FAAH2: variants seen among roughly 807,000 people sequenced by gnomAD.
FAAH2 encodes the protein fatty acid amide hydrolase 2.
A neutral mutation model predicts 36.9 loss-of-function variants in FAAH2; 60 were observed. That is an observed-to-expected ratio of 1.63 (90% CI 1.32 to 2.02). The LOEUF is 2.02. FAAH2 is among the 30% of genes most tolerant of loss of function. The probability of loss-of-function intolerance (pLI) is 0.00; values close to 1 mark genes in which losing one functional copy is unlikely to be tolerated. For missense variants in FAAH2, 689 were observed against 397.5 expected (o/e 1.73, Z -6.23); for synonymous variants, 214 against 143.8 (o/e 1.49, Z -3.49).
the FAAH2 span, among the ~76,000 whole-genome samples, chrX:57,270,976 C>T: frequency 8.9e-6 from 1 of 112,013 alleles, no homozygotes; most frequent in Non-Finnish European, 1.9e-5. Context: ...GCCAATGAGA[C>T]AGAACCGTTC....
the FAAH2 span, among the ~76,000 whole-genome samples, chrX:57,221,327 G>T: frequency 1.8e-5 from 2 of 110,965 alleles, no homozygotes; most frequent in Non-Finnish European, 3.8e-5. Flanking sequence ...ACCTTAAAAC[G>T]TGCAACTTTT....
intron 10 of FAAH2, among the ~76,000 whole-genome samples, chrX:57,470,625 A>T (rs968284036): frequency 9.0e-6 from 1 of 111,190 alleles, no homozygotes; most frequent in Non-Finnish European, 1.9e-5. Context: ...AACCAAAAGA[A>T]GTCCAGGAGC....
At chrX:57,335,377 AG>A (rs1222462434) in intron 4 of FAAH2, among the ~76,000 whole-genome samples, 1 of 112,399 alleles carries the variant, frequency 8.9e-6, no homozygotes, top group African/African-American at 3.2e-5. Context: ...GCAGGACAAT[AG>A]GATAATAGTG....
chrX:57,415,448 G>T (rs1487580332), intron 7 of FAAH2, among the ~76,000 whole-genome samples: 1 of 111,639 alleles, frequency 9.0e-6, no homozygotes, highest in Non-Finnish European at 1.9e-5. Context: ...TGGCTTCAAA[G>T]AACTTCTTTA....
At chrX:57,316,409 C>T (rs1449638204) in intron 3 of FAAH2, among the ~76,000 whole-genome samples, 1 of 111,780 alleles carries the variant, frequency 8.9e-6, no homozygotes, top group African/African-American at 3.2e-5. Context: ...TAAAAAGAGC[C>T]TGAATAGCCA....
chrX:57,468,381 C>T (rs1259229782), intron 10 of FAAH2, among the ~76,000 whole-genome samples: 2 of 111,408 alleles, frequency 1.8e-5, no homozygotes, highest in Non-Finnish European at 3.8e-5. Flanking sequence ...ACTAGAATAA[C>T]CAGTGTAGAG....
At chrX:57,218,757 T>C in the FAAH2 span, among the ~76,000 whole-genome samples, 1 of 112,104 alleles carries the variant, frequency 8.9e-6, no homozygotes, top group East Asian at 2.8e-4. Flanking sequence ...TCTTGTGGAA[T>C]AATGTCCACA....
chrX:57,248,084 T>G, the FAAH2 span, among the ~76,000 whole-genome samples: 1 of 112,116 alleles, frequency 8.9e-6, no homozygotes, highest in Non-Finnish European at 1.9e-5. Flanking sequence ...ACATATTTAC[T>G]CACATGGAGC....
chrX:57,208,070 G>C, the FAAH2 span, among the ~76,000 whole-genome samples: 1 of 112,817 alleles, frequency 8.9e-6, no homozygotes, highest in Non-Finnish European at 1.9e-5. Flanking sequence ...TCACCCTCTT[G>C]TCTAGCTTGC....
the FAAH2 span, among the ~76,000 whole-genome samples, chrX:57,227,061 T>C: frequency 9.0e-6 from 1 of 111,518 alleles, no homozygotes; most frequent in Non-Finnish European, 1.9e-5. Context: ...TCACTTTTTG[T>C]ATTATTTTTT....
intron 10 of FAAH2, among the ~76,000 whole-genome samples, chrX:57,486,983 C>T (rs2057485654): frequency 9.0e-6 from 1 of 111,556 alleles, no homozygotes; most frequent in Non-Finnish European, 1.9e-5. Flanking sequence ...CTTTACTTTC[C>T]TCTCAATTTA....
chrX:57,283,631 G>A (rs969012359), upstream of FAAH2, among the ~76,000 whole-genome samples: 2 of 111,183 alleles, frequency 1.8e-5, no homozygotes, highest in Non-Finnish European at 3.8e-5. Context: ...CGTCTGTGTA[G>A]ATCCAGGCTT....
intron 7 of FAAH2, among the ~76,000 whole-genome samples, chrX:57,412,649 G>A (rs759073072): frequency 8.9e-6 from 1 of 112,049 alleles, no homozygotes; most frequent in Non-Finnish European, 1.9e-5. Flanking sequence ...TTGGTTCCAA[G>A]TCTTTGCTAC....
chrX:57,455,772 ACACC>A (rs1281423000), intron 10 of FAAH2, among the ~76,000 whole-genome samples: 1 of 112,227 alleles, frequency 8.9e-6, no homozygotes, highest in Non-Finnish European at 1.9e-5. Context: ...AAACATATAC[ACACC>A]CAATGTAGAA....
intron 2 of FAAH2, among the ~76,000 whole-genome samples, chrX:57,307,669 C>T (rs1418211521): frequency 9.0e-6 from 1 of 110,851 alleles, no homozygotes; most frequent in African/African-American, 3.3e-5. Flanking sequence ...TCAAGGGGCA[C>T]ATGTGCAGGT....
chrX:57,441,984 T>C (rs763542140), intron 8 of FAAH2, among the ~76,000 whole-genome samples: 1 of 112,131 alleles, frequency 8.9e-6, no homozygotes, highest in African/African-American at 3.2e-5. Context: ...CAGTTTGTTA[T>C]AATTTCTGTT....
chrX:57,230,715 G>A, the FAAH2 span, among the ~76,000 whole-genome samples: 7 of 111,288 alleles, frequency 6.3e-5, no homozygotes, highest in Non-Finnish European at 1.1e-4. Flanking sequence ...TTTCAACTTA[G>A]TACTTTTTCC....
the FAAH2 span, among the ~76,000 whole-genome samples, chrX:57,221,936 A>G: frequency 9.0e-6 from 1 of 110,613 alleles, no homozygotes; most frequent in Admixed American, 9.6e-5. Context: ...CTTTCAATGT[A>G]TTAATGATCT....
intron 1 of FAAH2, among the ~76,000 whole-genome samples, chrX:57,291,429 C>T (rs2051979565): frequency 8.9e-6 from 1 of 111,748 alleles, no homozygotes; most frequent in Admixed American, 9.5e-5. Context: ...ATATGTTTGC[C>T]TAACTCTTTG....
Sources: gnomAD v4.1 joint callset for allele counts (sites outside exome capture counted in the v4.1 genomes callset) on GRCh38, gnomAD v4.1.1 for gene constraint, MANE v1.5 for transcripts, NCBI Gene and HGNC (gene_info 2026-07-23, HGNC 2026-07-21) for gene names.